The following SPOCK3 variants were observed in gnomAD, a reference collection of about 807,000 sequenced individuals.
The protein encoded by SPOCK3 is SPARC (osteonectin), cwcv and kazal like domains proteoglycan 3, also known as testican-3.
SPOCK3 carries 30 observed loss-of-function variants against 56.6 expected under a neutral mutation model. The ratio of observed to expected loss-of-function variants is 0.53; its 90% CI spans 0.40 to 0.72. The LOEUF (loss-of-function observed/expected upper bound fraction) is 0.72. SPOCK3 is among the 30% of genes least tolerant of loss of function. SPOCK3 has a pLI of 0.00. For missense variants in SPOCK3, 527 were observed against 530.0 expected, an observed-to-expected ratio of 0.99 and a Z score of 0.06; for synonymous variants, 196 against 183.3, an observed-to-expected ratio of 1.07 and a Z score of -0.56.
At chr4:166,788,334 T>TA (rs1413826066) in intron 7 of SPOCK3, among the ~76,000 whole-genome samples, 1 of 152,204 alleles carries the variant, frequency 6.6e-6, no homozygotes. Flanking sequence ...TTTGGCAATT[T>TA]AAAATGTTAG....
At chr4:167,168,807 C>A (rs899182657) in intron 2 of SPOCK3, among the ~76,000 whole-genome samples, 2 of 152,096 alleles carry the variant, frequency 1.3e-5, no homozygotes, top group Non-Finnish European at 2.9e-5. Context: ...TTCACAGCAG[C>A]CCCTCCCGCC....
intron 2 of SPOCK3, among the ~76,000 whole-genome samples, chr4:167,151,432 T>C (rs1198560512): frequency 1.8e-5 from 2 of 109,786 alleles, no homozygotes; most frequent in Non-Finnish European, 3.4e-5. Flanking sequence ...ATTCCTTTTT[T>C]TTCTTTTTTT....
intron 4 of SPOCK3, among the ~76,000 whole-genome samples, chr4:166,955,630 AATTATATTAAATTTAAT>A (rs1743357396): frequency 6.8e-6 from 1 of 146,336 alleles, no homozygotes; most frequent in African/African-American, 2.5e-5. Context: ...AATATAATTT[AATTATATTAAATTTAAT>A]TATAATATAA....
At chr4:167,119,719 C>T (rs1051857443) in intron 2 of SPOCK3, 11 of 1,051,390 alleles carry the variant, frequency 1.0e-5, no homozygotes, top group African/African-American at 4.8e-5. Context: ...AAATAGAGAA[C>T]GTTATGTCTA....
chr4:166,897,458 G>A (rs1485647076), intron 5 of SPOCK3, among the ~76,000 whole-genome samples: 1 of 152,156 alleles, frequency 6.6e-6, no homozygotes, highest in East Asian at 1.9e-4. Flanking sequence ...CAAAGGTTGG[G>A]TGGGATTGTT....
At chr4:166,844,459 A>G (rs543268531) in intron 6 of SPOCK3, among the ~76,000 whole-genome samples, 1 of 152,328 alleles carries the variant, frequency 6.6e-6, no homozygotes, top group South Asian at 2.1e-4. Context: ...TTTAGATGCA[A>G]TTAACAATTA....
chr4:167,041,405 CATG>C (rs900862823), intron 3 of SPOCK3, among the ~76,000 whole-genome samples: 15 of 152,088 alleles, frequency 9.9e-5, no homozygotes, highest in Admixed American at 2.0e-4. Flanking sequence ...ACAGAGGCTA[CATG>C]ATATCTTGAA....
intron 2 of SPOCK3, among the ~76,000 whole-genome samples, chr4:167,227,628 T>A (rs1006867323): frequency 6.6e-6 from 1 of 152,100 alleles, no homozygotes; most frequent in Admixed American, 6.6e-5. Flanking sequence ...ATAGAAAAGA[T>A]GAAATGATTT....
At chr4:166,795,486 T>C (rs534043537) in intron 6 of SPOCK3, among the ~76,000 whole-genome samples, 1 of 152,222 alleles carries the variant, frequency 6.6e-6, no homozygotes, top group African/African-American at 2.4e-5. Flanking sequence ...TTTGAAAACA[T>C]TTTAAATAAT....
At chr4:166,788,183 A>AAAAC (rs146172189) in intron 7 of SPOCK3, among the ~76,000 whole-genome samples, 35,283 of 151,482 alleles carry the variant, frequency 0.23, 4,585 homozygotes, top group East Asian at 0.38. Flanking sequence ...CTCCATTTAA[A>AAAAC]AAACAAACAA....
intron 2 of SPOCK3, among the ~76,000 whole-genome samples, chr4:167,166,490 A>G (rs780121699): frequency 1.1e-4 from 17 of 152,028 alleles, no homozygotes; most frequent in Admixed American, 1.0e-3. Context: ...AGAGCAGGAA[A>G]ATGTTGAATT....
At chr4:167,149,443 T>C (rs990936119) in intron 2 of SPOCK3, among the ~76,000 whole-genome samples, 1 of 152,198 alleles carries the variant, frequency 6.6e-6, no homozygotes. Context: ...ATGAGGGAAA[T>C]ACCTGCCAAA....
intron 3 of SPOCK3, among the ~76,000 whole-genome samples, chr4:167,027,590 A>G (rs538164503): frequency 6.6e-6 from 1 of 152,060 alleles, no homozygotes; most frequent in Non-Finnish European, 1.5e-5. Context: ...GAGTCTCCCA[A>G]AACTTAACTA....
intron 2 of SPOCK3, among the ~76,000 whole-genome samples, chr4:167,233,517 T>C (rs770960491): frequency 6.6e-6 from 1 of 152,168 alleles, no homozygotes; most frequent in African/African-American, 2.4e-5. Context: ...CTCCCACCCT[T>C]GGAGAGCGGG....
intron 10 of SPOCK3, among the ~76,000 whole-genome samples, chr4:166,735,873 A>G (rs894750892): frequency 6.6e-6 from 1 of 152,120 alleles, no homozygotes; most frequent in Admixed American, 6.6e-5. Flanking sequence ...TGTTTAAGCC[A>G]CTGAGTGGGA....
At chr4:167,162,062 G>A (rs922085170) in intron 2 of SPOCK3, among the ~76,000 whole-genome samples, 4 of 151,636 alleles carry the variant, frequency 2.6e-5, no homozygotes, top group African/African-American at 9.7e-5. Context: ...AGAAGACACA[G>A]AGAAGGCTCT....
At chr4:167,142,190 T>C (rs1006469857) in intron 2 of SPOCK3, among the ~76,000 whole-genome samples, 15 of 151,722 alleles carry the variant, frequency 9.9e-5, no homozygotes, top group Non-Finnish European at 4.4e-5. Flanking sequence ...CTGGAAGAGG[T>C]CCCCAAGCAA....
At chr4:166,794,792 G>A (rs995116995) in intron 6 of SPOCK3, among the ~76,000 whole-genome samples, 4 of 151,538 alleles carry the variant, frequency 2.6e-5, no homozygotes, top group East Asian at 3.9e-4. Context: ...ACAAGCCCCC[G>A]CCACCAGGCC....
intron 4 of SPOCK3, among the ~76,000 whole-genome samples, chr4:166,918,831 G>A (rs376469788): frequency 1.3e-5 from 2 of 152,108 alleles, no homozygotes; most frequent in Admixed American, 6.6e-5. Flanking sequence ...GGGTCATAGG[G>A]GTGGATCCCT....
Sources: gnomAD v4.1 joint callset for allele counts (sites outside exome capture counted in the v4.1 genomes callset) on GRCh38, gnomAD v4.1.1 for gene constraint, MANE v1.5 for transcripts, NCBI Gene and HGNC (gene_info 2026-07-23, HGNC 2026-07-21) for gene names.